Variants in TMED10 observed in about 807,000 individuals in gnomAD.
TMED10 encodes transmembrane emp24 domain-containing protein 10.
A neutral mutation model predicts 23.1 loss-of-function variants in TMED10; 7 were observed. The ratio of observed to expected loss-of-function variants is 0.30; its 90% CI spans 0.17 to 0.57. TMED10 has a LOEUF of 0.57. TMED10 is among the 20% of genes least tolerant of loss of function. The pLI is 0.91. For missense variants in TMED10, 162 were observed against 274.8 expected (o/e 0.59, Z 2.90); for synonymous variants, 113 against 106.9 (o/e 1.06, Z -0.35).
chr14:75,172,617 CATTTT>C (rs1324496912), intron 1 of TMED10, among the ~76,000 whole-genome samples: 1 of 152,046 alleles, frequency 6.6e-6, no homozygotes, highest in Non-Finnish European at 1.5e-5. Flanking sequence ...CATCATTGTT[CATTTT>C]GTGAGGCGTG....
Position 75,131,959 on chromosome 14 carries a change from A to AT in TMED10, c.*2925dup, listed in dbSNP as rs1895690699. 1 of 152,610 alleles carries AT rather than the reference A, an allele frequency of 6.6e-6. No individual in the cohort carries two copies. Among genetic ancestry groups the AT allele is most frequent in the South Asian group, 2.1e-4 (1 of 4,830 alleles). The allele number at this position is 152,610 out of a possible 1,614,324, so 9.5% of individuals were successfully genotyped here. On this transcript the variant is annotated 3_prime_UTR_variant, in exon 5 of 5. Transcript: ENST00000303575. ...TATTCTCTTCTCCTATCTTCTTGAC[A>AT]TTTTGTCACATCACAAGAACATAAC...
intron 3 of TMED10, among the ~76,000 whole-genome samples, chr14:75,144,194 C>T (rs1895855894): frequency 6.6e-6 from 1 of 152,140 alleles, no homozygotes; most frequent in Non-Finnish European, 1.5e-5. Context: ...ACAGTAATTG[C>T]CTGCATTCTC....
intron 1 of TMED10, among the ~76,000 whole-genome samples, chr14:75,153,477 G>A (rs1052267508): frequency 6.6e-6 from 1 of 152,182 alleles, no homozygotes; most frequent in East Asian, 1.9e-4. Context: ...TACAAAGCAA[G>A]GGAATTCCAT....
chr14:75,149,012 G>A (rs990050964), intron 2 of TMED10, among the ~76,000 whole-genome samples: 1 of 152,234 alleles, frequency 6.6e-6, no homozygotes, highest in African/African-American at 2.4e-5. Flanking sequence ...GAACTCCTGG[G>A]CTCAAGCAAT....
chr14:75,148,214 G>C (rs540802714), intron 2 of TMED10, among the ~76,000 whole-genome samples: 28 of 152,154 alleles, frequency 1.8e-4, no homozygotes, highest in African/African-American at 6.7e-4. Context: ...TGATGAATTA[G>C]GATTATTGGA....
chr14:75,158,733 T>C (rs1896051613), intron 1 of TMED10, among the ~76,000 whole-genome samples: 1 of 152,044 alleles, frequency 6.6e-6, no homozygotes, highest in South Asian at 2.1e-4. Context: ...GAGACCAGCC[T>C]GACTAACATG....
intron 1 of TMED10, 107 bp from the exon 2 acceptor site, chr14:75,152,250 C>T: frequency 2.4e-6 from 2 of 837,712 alleles, no homozygotes; most frequent in Non-Finnish European, 3.7e-6. Flanking sequence ...ATTGATAGTT[C>T]TCATTATGAT....
At chr14:75,156,131 T>C (rs1028434998) in intron 1 of TMED10, among the ~76,000 whole-genome samples, 1 of 152,062 alleles carries the variant, frequency 6.6e-6, no homozygotes, top group African/African-American at 2.4e-5. Context: ...TTCAGAAAGA[T>C]GACGCTACCA....
At chr14:75,158,925 A>AAAATAAAT (rs552086877) in intron 1 of TMED10, among the ~76,000 whole-genome samples, 4 of 152,008 alleles carry the variant, frequency 2.6e-5, no homozygotes, top group African/African-American at 7.2e-5. Context: ...ATTCCGTTTC[A>AAAATAAAT]AAATAAATAA....
In TMED10 at chr14:75,134,726, G is replaced by A; in HGVS notation, c.*159C>T. 1 of 887,922 alleles carries A rather than the reference G, an allele frequency of 1.1e-6. No homozygotes were observed. Among genetic ancestry groups the A allele is most frequent in the Non-Finnish European group, 1.7e-6 (1 of 588,984 alleles). 55.0% of individuals were successfully genotyped at this position (887,922 alleles called of 1,614,324 possible). On this transcript the variant is annotated 3_prime_UTR_variant, in exon 5 of 5. Coordinates refer to ENST00000303575, the MANE Select transcript of TMED10 (RefSeq NM_006827.6). The stretch of plus-strand genomic sequence containing the variant: ...TCCCTCATTGACTTGTTGGGTGTAG[G>A]TGGTACCCCATGTCCTCCCACACCA...
intron 2 of TMED10, among the ~76,000 whole-genome samples, chr14:75,151,715 A>G (rs1255918165): frequency 1.3e-5 from 2 of 152,226 alleles, no homozygotes; most frequent in Non-Finnish European, 2.9e-5. Flanking sequence ...CAAAGTCCAC[A>G]GTTTACATTA....
At chr14:75,145,166 C>T (rs1446033047) in intron 3 of TMED10, among the ~76,000 whole-genome samples, 1 of 152,122 alleles carries the variant, frequency 6.6e-6, no homozygotes, top group Non-Finnish European at 1.5e-5. Context: ...AACCTTGGAG[C>T]TGTGTTGTAA....
In TMED10 at chr14:75,132,063, C is replaced by T. The variant is rs771340664; in HGVS notation, c.*2822G>A. The T allele has an allele frequency of 1.3e-5, 2 of 152,618 alleles. No individual in the cohort carries two copies. Among genetic ancestry groups the T allele is most frequent in the Admixed American group, 6.5e-5 (1 of 15,292 alleles). The allele number at this position is 152,618 out of a possible 1,614,324, so 9.5% of individuals were successfully genotyped here. ...AGGAAAGAAAATCTTGTTAGGCTAACGGTACATGATAGAAATTTCACATTT... is the reference window on the plus strand; with the variant it reads ...AGGAAAGAAAATCTTGTTAGGCTAATGGTACATGATAGAAATTTCACATTT... On this transcript the variant is annotated 3_prime_UTR_variant, in exon 5 of 5. Coordinates refer to ENST00000303575, the MANE Select transcript of TMED10 (RefSeq NM_006827.6).
intron 1 of TMED10, among the ~76,000 whole-genome samples, chr14:75,160,345 C>T (rs934358401): frequency 6.6e-6 from 1 of 152,116 alleles, no homozygotes; most frequent in Non-Finnish European, 1.5e-5. Flanking sequence ...GGAAACTGGG[C>T]CAAACTCAAT....
Position 75,135,026 on chromosome 14 carries a change from T to C in TMED10, c.539-20A>G. On this transcript the variant is annotated intron_variant, in intron 4 of 4. Transcript: ENST00000303575. The stretch of plus-strand genomic sequence containing the variant: ...TTGACTCTAAAAAAAAACAAAAGCA[T>C]TGTAAACATAATGAAGTGAGCCTCC... 2.5e-6 allele frequency: 4 copies of C among 1,613,492 alleles called. No individual in the cohort carries two copies. The highest frequency in any genetic ancestry group is 3.4e-6 in the Non-Finnish European group (4 of 1,179,708).
chr14:75,139,217 T>C (rs1402139099), intron 3 of TMED10: 3 of 438,980 alleles, frequency 6.8e-6, no homozygotes, highest in Non-Finnish European at 1.4e-5. Flanking sequence ...TAAAATCTAT[T>C]TATAAATGGC....
intron 1 of TMED10, among the ~76,000 whole-genome samples, chr14:75,165,495 G>A (rs1425293906): frequency 2.0e-5 from 3 of 152,116 alleles, no homozygotes; most frequent in Non-Finnish European, 2.9e-5. Flanking sequence ...CAAAGTGTTG[G>A]GATTACAGGC....
Position 75,157,592 on chromosome 14 carries a change from G to A in TMED10, c.226-5449C>T, listed in dbSNP as rs546160710. Among the ~76,000 whole-genome samples the A allele has an allele frequency of 3.3e-5, 5 of 152,192 alleles. No individual in the cohort carries two copies. In the East Asian group the frequency reaches 5.8e-4, roughly 18 times the overall value. On this transcript the variant is annotated intron_variant, in intron 1 of 4. Transcript: ENST00000303575. Reference sequence around the variant, plus strand: ...TTGATCCCATGAGGTCGAGGCTGCAGTGAGCTGTGATTGTGCCACTGCACT... The same window carrying A: ...TTGATCCCATGAGGTCGAGGCTGCAATGAGCTGTGATTGTGCCACTGCACT...
intron 1 of TMED10, among the ~76,000 whole-genome samples, chr14:75,166,399 T>C (rs539314001): frequency 9.9e-5 from 15 of 152,264 alleles, no homozygotes; most frequent in African/African-American, 3.6e-4. Flanking sequence ...AGGATCAAAC[T>C]ACCAGTCAGC....
Sources: gnomAD v4.1 joint callset for allele counts (sites outside exome capture counted in the v4.1 genomes callset) on GRCh38, gnomAD v4.1.1 for gene constraint, MANE v1.5 for transcripts, NCBI Gene and HGNC (gene_info 2026-07-23, HGNC 2026-07-21) for gene names.